The following SKP1 variants were observed in gnomAD, a reference collection of about 807,000 sequenced individuals.
The protein encoded by SKP1 is S-phase kinase associated protein 1, also known as S-phase kinase-associated protein 1.
Under a neutral mutation model 21.5 loss-of-function variants are expected in SKP1, and 1 was observed. The ratio of observed to expected loss-of-function variants is 0.05; its 90% CI spans 0.02 to 0.22. The LOEUF (loss-of-function observed/expected upper bound fraction) is 0.22, where lower values mean the gene tolerates loss of function less well. SKP1 is among the 10% of genes least tolerant of loss of function. SKP1 has a pLI of 1.00. For synonymous variants in SKP1, 59 were observed against 59.3 expected (o/e 0.99, Z 0.03); for missense variants, 70 against 192.0 (o/e 0.36, Z 3.76).
chr5:134,172,482 C>G (rs2149377231), intron 2 of SKP1, among the ~76,000 whole-genome samples: 1 of 152,106 alleles, frequency 6.6e-6, no homozygotes, highest in East Asian at 1.9e-4. Flanking sequence ...AGTTTCAAGA[C>G]CTGTTTTCTA....
intron 2 of SKP1, among the ~76,000 whole-genome samples, chr5:134,169,593 A>C (rs1435778845): frequency 2.0e-5 from 3 of 152,214 alleles, no homozygotes; most frequent in African/African-American, 7.2e-5. Context: ...GGCCGGGTGC[A>C]GTGGCTCACG....
rs1469551227 is a variant in SKP1 at position 134,155,660 on chromosome 5, G to T, written c.*2073C>A. 9.9e-5 allele frequency: 15 copies of T among 152,168 alleles called. 1 individual carries two copies. The highest frequency in any genetic ancestry group is 9.8e-4 in the Admixed American group (15 of 15,286). The allele number at this position is 152,168 out of a possible 1,614,324, so 9.4% of individuals were successfully genotyped here. A position where few individuals can be genotyped will look rare whatever the true frequency, so the allele number is the denominator to read the frequency against. On this transcript the variant is annotated 3_prime_UTR_variant, in exon 6 of 6. Coordinates refer to ENST00000353411, the MANE Select transcript of SKP1 (RefSeq NM_170679.3). ...CTCATATAATTCTAACTACTGCTGA[G>T]TATTATACAGATCAAGTGGTAATAA...
intron 2 of SKP1, among the ~76,000 whole-genome samples, chr5:134,169,202 C>T (rs755863604): frequency 1.3e-5 from 2 of 152,176 alleles, no homozygotes; most frequent in Non-Finnish European, 2.9e-5. Flanking sequence ...ATGGGGTTCA[C>T]TGAGCTTTAT....
intron 1 of SKP1, chr5:134,174,428 A>G: frequency 1.1e-6 from 1 of 942,164 alleles, no homozygotes; most frequent in Non-Finnish European, 1.3e-6. Context: ...ACGCTACTAA[A>G]TAAGATAGAA....
intron 2 of SKP1, among the ~76,000 whole-genome samples, chr5:134,167,561 C>T (rs1341954816): frequency 1.3e-5 from 2 of 150,776 alleles, no homozygotes. Context: ...CTTGCTCTGT[C>T]GCCCAGGCTA....
chr5:134,165,755 G>A (rs1355790445), intron 3 of SKP1, among the ~76,000 whole-genome samples: 10 of 151,600 alleles, frequency 6.6e-5, no homozygotes, highest in Non-Finnish European at 7.4e-5. Flanking sequence ...GCGTGGTGGC[G>A]AGTGCCTGTA....
rs149032639 is a variant in SKP1, at chr5:134,157,839, C to G, written c.457-71G>C. On this transcript the variant is annotated intron_variant, in intron 5 of 5. Coordinates refer to ENST00000353411, the MANE Select transcript of SKP1 (RefSeq NM_170679.3). ...TCCTAAGACTTATAAATACTACCTA[C>G]TGATTCATCGATAGCCAGTGAGTTG... is the stretch of plus-strand genomic sequence containing the variant. The G allele has an allele frequency of 2.4e-4, 384 of 1,611,840 alleles. 2 individuals are homozygous for G. The African/African-American group carries it at 4.4e-3, about 19-fold the overall frequency.
chr5:134,154,663 A>G lies in SKP1; in HGVS notation c.*3070T>C, dbSNP rs1211674221. ...TCATTAAAAGCAGCACACTGCAGAA[A>G]GCAGCATGTTGTTTACAGAGGAAAC... On this transcript the variant is annotated 3_prime_UTR_variant, in exon 6 of 6. Coordinates refer to ENST00000353411, the MANE Select transcript of SKP1 (RefSeq NM_170679.3). 6.6e-6 allele frequency: 1 copy of G among 152,174 alleles called. No individual in the cohort carries two copies. Among genetic ancestry groups the G allele is most frequent in the Non-Finnish European group, 1.5e-5 (1 of 68,032 alleles). 9.4% of individuals were successfully genotyped at this position (152,174 alleles called of 1,614,324 possible).
chr5:134,161,145 G>C lies in SKP1; in HGVS notation c.172-15C>G. On this transcript the variant is annotated splice_polypyrimidine_tract_variant and intron_variant, in intron 3 of 5. Coordinates refer to ENST00000353411, the MANE Select transcript of SKP1 (RefSeq NM_170679.3). The stretch of plus-strand genomic sequence containing the variant: ...CACTGAATGACCTACAACAACAAAA[G>C]TTCATTCCTCTGTGGCACTTTGTCA... 2 of 1,578,374 alleles carry C rather than the reference G, an allele frequency of 1.3e-6. No homozygotes were observed. Among genetic ancestry groups the C allele is most frequent in the Non-Finnish European group, 8.6e-7 (1 of 1,160,176 alleles).
At chr5:134,163,949 T>C (rs1347770848) in intron 3 of SKP1, among the ~76,000 whole-genome samples, 2 of 152,194 alleles carry the variant, frequency 1.3e-5, no homozygotes, top group Non-Finnish European at 2.9e-5. Flanking sequence ...AGGCAGGGCA[T>C]GCTCTTGTCT....
In SKP1 at chr5:134,156,550, G is replaced by C. The variant is rs1051234373; in HGVS notation, c.*1183C>G. 4.6e-5 allele frequency: 7 copies of C among 151,810 alleles called. No homozygotes were observed. The highest frequency in any genetic ancestry group is 1.7e-4 in the African/African-American group (7 of 41,292). 9.4% of individuals were successfully genotyped at this position (151,810 alleles called of 1,614,324 possible). A position where few individuals can be genotyped will look rare whatever the true frequency, so the allele number is the denominator to read the frequency against. On this transcript the variant is annotated 3_prime_UTR_variant, in exon 6 of 6. Coordinates refer to ENST00000353411, the MANE Select transcript of SKP1 (RefSeq NM_170679.3). ...TACATGTGAATATAGATGTTAACTG[G>C]AAAAGCAAGGAGAAAAAAAGGGAGC...
chr5:134,157,805 A>C (rs976614590), intron 5 of SKP1, 37 bp from the exon 6 acceptor site: 7 of 1,612,758 alleles, frequency 4.3e-6, no homozygotes, highest in South Asian at 2.2e-5. Context: ...CCTTAACTTG[A>C]GTAGTCTTTC....
Position 134,161,045 on chromosome 5 carries a change from G to T in SKP1, c.257C>A (p.Pro86His). 3 of 1,613,090 alleles carry T rather than the reference G, an allele frequency of 1.9e-6. No homozygotes were observed. The highest frequency in any genetic ancestry group is 1.7e-6 in the Non-Finnish European group (2 of 1,179,468). The change falls in exon 4 of 6, where the codon CCT (proline) becomes CAT (histidine). Residue 86 changes from proline to histidine, a missense_variant. Pro to His is a moderately conservative substitution (Grantham distance 77). Coordinates refer to ENST00000353411, the MANE Select transcript of SKP1 (RefSeq NM_170679.3). Reference protein sequence around the residue: ...ENKEKRTDDIPVWDQEFLKVD... With the variant: ...ENKEKRTDDIHVWDQEFLKVD... ...TTTCAGGAATTCTTGGTCCCAAACAGGGATATCATCTGTTCGCTTTTCTTT... is the reference window on the plus strand; with the variant it reads ...TTTCAGGAATTCTTGGTCCCAAACATGGATATCATCTGTTCGCTTTTCTTT...
chr5:134,151,095 G>A lies in SKP1; in HGVS notation c.*6638C>T, dbSNP rs193150573. The A allele has an allele frequency of 1.1e-3, 168 of 152,416 alleles. No homozygotes were observed. Among genetic ancestry groups the A allele is most frequent in the Non-Finnish European group, 1.9e-3 (127 of 68,086 alleles). The allele number at this position is 152,416 out of a possible 1,614,324, so 9.4% of individuals were successfully genotyped here. ...TATTGGTAAGGGATGTTTCACTTCT[G>A]AAGACAAGATAGCAGCTGTGAATTA... On this transcript the variant is annotated 3_prime_UTR_variant, in exon 6 of 6. Transcript: ENST00000353411.
intron 1 of SKP1, among the ~76,000 whole-genome samples, chr5:134,175,883 G>A (rs569671583): frequency 1.3e-5 from 2 of 152,276 alleles, no homozygotes; most frequent in South Asian, 4.1e-4. Flanking sequence ...TCCTGCACTT[G>A]TAAATAATTC....
chr5:134,152,785 A>C lies in SKP1; in HGVS notation c.*4948T>G, dbSNP rs1358455117. On this transcript the variant is annotated 3_prime_UTR_variant, in exon 6 of 6. Transcript: ENST00000353411. ...TCGATCTCTTGACCTCGTGATCTGC[A>C]CACCTCAGCCTCTGAAAATGTTGGG... 6.6e-6 allele frequency: 1 copy of C among 152,310 alleles called. No homozygotes were observed. Among genetic ancestry groups the C allele is most frequent in the Non-Finnish European group, 1.5e-5 (1 of 68,144 alleles). The allele number at this position is 152,310 out of a possible 1,614,324, so 9.4% of individuals were successfully genotyped here.
At chr5:134,166,580 CAAAAAAAAAAAAAA>C (rs36106913) in intron 3 of SKP1, among the ~76,000 whole-genome samples, 3 of 52,528 alleles carry the variant, frequency 5.7e-5, no homozygotes, top group Admixed American at 3.5e-4. Flanking sequence ...ACTCTGGTCT[CAAAAAAAAAAAAAA>C]AAAAAAAAAA....
chr5:134,172,519 C>T (rs1194230231), intron 2 of SKP1, among the ~76,000 whole-genome samples: 1 of 150,804 alleles, frequency 6.6e-6, no homozygotes, highest in Admixed American at 6.6e-5. Flanking sequence ...TGCATATATA[C>T]TTTGTAGTAG....
chr5:134,158,578 G>A lies in SKP1; in HGVS notation c.333C>T (p.Asp111=). The A allele has an allele frequency of 6.2e-7, 1 of 1,613,364 alleles. No individual in the cohort carries two copies. Among genetic ancestry groups the A allele is most frequent in the South Asian group, 1.1e-5 (1 of 91,072 alleles). The change falls in exon 5 of 6, where the codon GAC becomes GAT. Residue 111 remains aspartate (D), a synonymous_variant. Transcript: ENST00000353411. ...FELILAANYL[D]IKGLLDVTCK... is the part of the protein sequence containing the mutation. ...ATGTAACATCAAGCAAACCTTTGAT[G>A]TCTAAGTAGTTTGCAGCCTGTAAAG...
Sources: allele counts gnomAD v4.1 joint callset (sites outside exome capture counted in the v4.1 genomes callset), GRCh38; gene constraint gnomAD v4.1.1; transcripts MANE v1.5; gene names NCBI Gene and HGNC (gene_info 2026-07-23, HGNC 2026-07-21).